CDC42EP3: variants seen among roughly 807,000 people sequenced by gnomAD.
CDC42EP3 encodes CDC42 effector protein 3.
In CDC42EP3, 4 loss-of-function variants were observed where a neutral mutation model predicts 15.5. The ratio of observed to expected loss-of-function variants is 0.26; its 90% CI spans 0.13 to 0.59. The LOEUF (loss-of-function observed/expected upper bound fraction) is 0.59. Among genes scored for constraint, CDC42EP3 ranks in the 20% least tolerant of loss-of-function variants. CDC42EP3 has a pLI of 0.89. For missense variants in CDC42EP3, 309 were observed against 311.2 expected, an observed-to-expected ratio of 0.99 and a Z score of 0.05; for synonymous variants, 145 against 130.3, an observed-to-expected ratio of 1.11 and a Z score of -0.77.
At chr2:37,655,338 A>T (rs1294241273) in intron 1 of CDC42EP3, among the ~76,000 whole-genome samples, 1 of 152,236 alleles carries the variant, frequency 6.6e-6, no homozygotes, top group African/African-American at 2.4e-5. Context: ...TTATATACAG[A>T]CCCACAAATA....
chr2:37,645,760 T>A lies in CDC42EP3; in HGVS notation c.*63A>T. ...GCAAATACAGCTCCGGAAGCCCTTCTCTTCAACTGTGGTTAGTTTGTTTTT... is the reference window on the plus strand; with the variant it reads ...GCAAATACAGCTCCGGAAGCCCTTCACTTCAACTGTGGTTAGTTTGTTTTT... On this transcript the variant is annotated 3_prime_UTR_variant, in exon 2 of 2. Coordinates refer to ENST00000295324, the MANE Select transcript of CDC42EP3 (RefSeq NM_006449.5). 7.6e-7 allele frequency: 1 copy of A among 1,311,078 alleles called. No individual in the cohort carries two copies. Among genetic ancestry groups the A allele is most frequent in the Non-Finnish European group, 1.0e-6 (1 of 968,664 alleles). 81.2% of individuals were successfully genotyped at this position (1,311,078 alleles called of 1,614,324 possible).
chr2:37,649,507 C>A, intron 1 of CDC42EP3, among the ~76,000 whole-genome samples: 1 of 140,302 alleles, frequency 7.1e-6, no homozygotes, highest in African/African-American at 2.6e-5. Flanking sequence ...AGCCAGAGAG[C>A]AGTTCCCTGC....
rs757141370 is a variant in CDC42EP3 at position 37,643,394 on chromosome 2, G to A, written c.*2429C>T. On this transcript the variant is annotated 3_prime_UTR_variant, in exon 2 of 2. Transcript: ENST00000295324. The stretch of plus-strand genomic sequence containing the variant: ...TAGCTTTGTTTCCTCTTTCTAATAC[G>A]GGCATATTTATTGCCATCTCAATTA... 1.3e-5 allele frequency: 2 copies of A among 152,092 alleles called. No homozygotes were observed. Among genetic ancestry groups the A allele is most frequent in the Non-Finnish European group, 1.5e-5 (1 of 68,028 alleles). The allele number at this position is 152,092 out of a possible 1,614,324, so 9.4% of individuals were successfully genotyped here.
chr2:37,662,798 A>C (rs939363003), intron 1 of CDC42EP3, among the ~76,000 whole-genome samples: 2 of 152,228 alleles, frequency 1.3e-5, no homozygotes, highest in African/African-American at 4.8e-5. Context: ...AACAGGCTCT[A>C]GTTGGTGCTG....
chr2:37,645,815 G>A lies in CDC42EP3; in HGVS notation c.*8C>T. On this transcript the variant is annotated 3_prime_UTR_variant, in exon 2 of 2. Coordinates refer to ENST00000295324, the MANE Select transcript of CDC42EP3 (RefSeq NM_006449.5). ...CTTTTACCCCAAAGGAAAAAAGTTG[G>A]CATCTTGTTACTTATTTTTATCCAT... is the stretch of plus-strand genomic sequence containing the variant. 1 of 1,511,658 alleles carries A rather than the reference G, an allele frequency of 6.6e-7. No homozygotes were observed. Among genetic ancestry groups the A allele is most frequent in the Non-Finnish European group, 8.8e-7 (1 of 1,131,910 alleles). The allele number at this position is 1,511,658 out of a possible 1,614,324, so 93.6% of individuals were successfully genotyped here.
At chr2:37,654,697 T>C (rs1665794227) in intron 1 of CDC42EP3, among the ~76,000 whole-genome samples, 1 of 152,234 alleles carries the variant, frequency 6.6e-6, no homozygotes, top group Non-Finnish European at 1.5e-5. Flanking sequence ...CCAATTTCCT[T>C]GTAGTCCCAT....
At chr2:37,649,033 G>C (rs1035213661) in intron 1 of CDC42EP3, among the ~76,000 whole-genome samples, 2 of 151,808 alleles carry the variant, frequency 1.3e-5, no homozygotes, top group African/African-American at 4.8e-5. Flanking sequence ...ATGGAGGCAG[G>C]GTTATGCAAG....
chr2:37,672,495 G>T (rs17552689), upstream of CDC42EP3: 33,183 of 152,156 alleles, frequency 0.22, 4,103 homozygotes, highest in South Asian at 0.32. Flanking sequence ...TTCAGGCCGC[G>T]GTGGCACCTG....
chr2:37,664,786 A>G (rs554962139), intron 1 of CDC42EP3, among the ~76,000 whole-genome samples: 1 of 152,328 alleles, frequency 6.6e-6, no homozygotes, highest in East Asian at 1.9e-4. Context: ...GTTGGAGGCC[A>G]TTAGTCTTAG....
chr2:37,644,152 T>C lies in CDC42EP3; in HGVS notation c.*1671A>G, dbSNP rs1665364184. 1 of 152,126 alleles carries C rather than the reference T, an allele frequency of 6.6e-6. No individual in the cohort carries two copies. The highest frequency in any genetic ancestry group is 2.4e-5 in the African/African-American group (1 of 41,422). The allele number at this position is 152,126 out of a possible 1,614,324, so 9.4% of individuals were successfully genotyped here. The stretch of plus-strand genomic sequence containing the variant: ...CTTGTTTCGTCTACTTGGTTAGTTG[T>C]CCTAATTGCATTTTACCTGCAGTCC... On this transcript the variant is annotated 3_prime_UTR_variant, in exon 2 of 2. Coordinates refer to ENST00000295324, the MANE Select transcript of CDC42EP3 (RefSeq NM_006449.5).
chr2:37,664,436 T>C (rs1666188089), intron 1 of CDC42EP3, among the ~76,000 whole-genome samples: 1 of 152,190 alleles, frequency 6.6e-6, no homozygotes, highest in African/African-American at 2.4e-5. Flanking sequence ...GTTCCTCAGC[T>C]TGCAGACAGC....
At chr2:37,666,348 C>G (rs572160115) in intron 1 of CDC42EP3, among the ~76,000 whole-genome samples, 5 of 152,180 alleles carry the variant, frequency 3.3e-5, no homozygotes, top group Non-Finnish European at 5.9e-5. Flanking sequence ...GGACCTTCAT[C>G]AAACTGGGGT....
At chr2:37,662,170 C>A (rs1448327200) in intron 1 of CDC42EP3, among the ~76,000 whole-genome samples, 1 of 152,140 alleles carries the variant, frequency 6.6e-6, no homozygotes, top group Non-Finnish European at 1.5e-5. Context: ...TTTTCATCAC[C>A]CTTTCCCATC....
intron 1 of CDC42EP3, among the ~76,000 whole-genome samples, chr2:37,664,122 C>T (rs536720234): frequency 1.9e-3 from 296 of 152,066 alleles, no homozygotes; most frequent in Middle Eastern, 3.4e-3. Flanking sequence ...TGCAGTGAGC[C>T]GAGACTGCGC....
In CDC42EP3 at chr2:37,645,812, T is replaced by G. The variant is rs200940679; in HGVS notation, c.*11A>C. Reference sequence around the variant, plus strand: ...TACCTTTTACCCCAAAGGAAAAAAGTTGGCATCTTGTTACTTATTTTTATC... The same window carrying G: ...TACCTTTTACCCCAAAGGAAAAAAGGTGGCATCTTGTTACTTATTTTTATC... On this transcript the variant is annotated 3_prime_UTR_variant, in exon 2 of 2. Coordinates refer to ENST00000295324, the MANE Select transcript of CDC42EP3 (RefSeq NM_006449.5). 1 of 1,513,156 alleles carries G rather than the reference T, an allele frequency of 6.6e-7. No individual in the cohort carries two copies. Among genetic ancestry groups the G allele is most frequent in the Non-Finnish European group, 8.8e-7 (1 of 1,132,586 alleles). 93.7% of individuals were successfully genotyped at this position (1,513,156 alleles called of 1,614,324 possible).
At chr2:37,659,043 A>G (rs1278393064) in intron 1 of CDC42EP3, among the ~76,000 whole-genome samples, 1 of 152,236 alleles carries the variant, frequency 6.6e-6, no homozygotes, top group Non-Finnish European at 1.5e-5. Flanking sequence ...CCAGTTCCCC[A>G]TGGCATCCTA....
intron 1 of CDC42EP3, among the ~76,000 whole-genome samples, chr2:37,655,387 C>T (rs1189788353): frequency 6.6e-6 from 1 of 152,218 alleles, no homozygotes; most frequent in Non-Finnish European, 1.5e-5. Flanking sequence ...GTACACGTCT[C>T]ATTTTTATGG....
At chr2:37,662,367 A>C (rs1666084032) in intron 1 of CDC42EP3, among the ~76,000 whole-genome samples, 1 of 152,216 alleles carries the variant, frequency 6.6e-6, no homozygotes, top group South Asian at 2.1e-4. Context: ...TGTTCATTAT[A>C]AATTACCCCA....
chr2:37,672,845 G>C (rs1371549475), upstream of CDC42EP3, among the ~76,000 whole-genome samples: 1 of 152,220 alleles, frequency 6.6e-6, no homozygotes, highest in African/African-American at 2.4e-5. Flanking sequence ...TTTGCCGAGA[G>C]ATATCAGCTT....
Sources: gnomAD v4.1 joint callset for allele counts (sites outside exome capture counted in the v4.1 genomes callset) on GRCh38, gnomAD v4.1.1 for gene constraint, MANE v1.5 for transcripts, NCBI Gene and HGNC (gene_info 2026-07-23, HGNC 2026-07-21) for gene names.